Variants in QPCTL observed in about 807,000 individuals in gnomAD.
QPCTL encodes the protein glutaminyl-peptide cyclotransferase like, also known as glutaminyl-peptide cyclotransferase-like protein.
In QPCTL, 31 loss-of-function variants were observed where a neutral mutation model predicts 34.6. That is an observed-to-expected ratio of 0.90 (90% CI 0.67 to 1.21). The LOEUF is 1.21. Ranked by LOEUF, QPCTL falls within the 50% of genes most tolerant of loss-of-function variation. The probability of loss-of-function intolerance (pLI) is 0.00; values close to 1 mark genes in which losing one functional copy is unlikely to be tolerated. For synonymous variants in QPCTL, 223 were observed against 226.9 expected, an observed-to-expected ratio of 0.98 and a Z score of 0.15; for missense variants, 474 against 507.8, an observed-to-expected ratio of 0.93 and a Z score of 0.64.
intron 3 of QPCTL, among the ~76,000 whole-genome samples, chr19:45,696,272 C>G (rs1350754488): frequency 1.3e-5 from 2 of 152,080 alleles, no homozygotes; most frequent in African/African-American, 4.8e-5. Context: ...CTCAGGGCAT[C>G]TGCACTTGCT....
chr19:45,695,690 A>C lies in QPCTL; in HGVS notation c.605A>C (p.Asp202Ala). The C allele has an allele frequency of 1.2e-6, 2 of 1,612,634 alleles. No individual in the cohort carries two copies. Among genetic ancestry groups the C allele is most frequent in the Non-Finnish European group, 1.7e-6 (2 of 1,179,808 alleles). Residue 202 changes from aspartate (D) to alanine (A), a missense_variant, in exon 3 of 7, where the codon GAC (aspartate) becomes GCC (alanine). Transcript: ENST00000012049. ...ALLLELAQAL[D>A]LELSRAKKQA... ...CTGCTGGAGCTGGCCCAAGCACTTG[A>C]CCTGGAGCTGAGCAGGGCCAAAAAA... is the stretch of plus-strand genomic sequence containing the variant.
Position 45,703,091 on chromosome 19 carries a change from G to A in QPCTL, c.*42G>A. The A allele has an allele frequency of 6.2e-7, 1 of 1,611,606 alleles. No individual in the cohort carries two copies. Among genetic ancestry groups the A allele is most frequent in the Non-Finnish European group, 8.5e-7 (1 of 1,177,918 alleles). On this transcript the variant is annotated 3_prime_UTR_variant, in exon 7 of 7. Coordinates refer to ENST00000012049, the MANE Select transcript of QPCTL (RefSeq NM_017659.4). ...CTGTGGAGAGGACTGTGAGAGAGAAGGTCCCAGCGGGGGCCAGTGAAGCTC... is the reference window on the plus strand; with the variant it reads ...CTGTGGAGAGGACTGTGAGAGAGAAAGTCCCAGCGGGGGCCAGTGAAGCTC...
chr19:45,701,891 A>G lies in QPCTL; in HGVS notation c.980A>G (p.Asp327Gly), dbSNP rs1368236436. Residue 327 changes from aspartate (D) to glycine (G), a missense_variant, in exon 6 of 7, where the codon GAC becomes GGC. By Grantham distance (94) the Asp-to-Gly change is moderately conservative. Coordinates refer to ENST00000012049, the MANE Select transcript of QPCTL (RefSeq NM_017659.4). The stretch of plus-strand genomic sequence containing the variant: ...GAGCCCTTTGGCTCTGTGGAAGACG[A>G]CCACATCCCCTTCCTCCGCAGAGGT... ...PGEPFGSVED[D>G]HIPFLRRGVP... 1.2e-6 allele frequency: 2 copies of G among 1,613,102 alleles called. No homozygotes were observed. Among genetic ancestry groups the G allele is most frequent in the Non-Finnish European group, 1.7e-6 (2 of 1,179,276 alleles).
At chr19:45,698,930 C>G (rs755117953) in intron 5 of QPCTL, 30 bp downstream of exon 5, 57 of 1,591,286 alleles carry the variant, frequency 3.6e-5, no homozygotes, top group African/African-American at 5.4e-5. Flanking sequence ...TGGGCCCCAG[C>G]CCACCTGGGG....
chr19:45,695,406 G>T (rs747866993), intron 2 of QPCTL, 31 bp from the exon 3 acceptor site: 1 of 1,066,012 alleles, frequency 9.4e-7, no homozygotes, highest in East Asian at 4.4e-5. Context: ...CCCAGTCCCC[G>T]TCCACCCTCC....
chr19:45,698,919 G>T lies in QPCTL; in HGVS notation c.886+19G>T. 1 of 1,607,336 alleles carries T rather than the reference G, an allele frequency of 6.2e-7. No individual in the cohort carries two copies. The highest frequency in any genetic ancestry group is 8.5e-7 in the Non-Finnish European group (1 of 1,174,068). ...AGCATTGGTAAGGGTGAATGCGGAG[G>T]TGGGCCCCAGCCCACCTGGGGTATG... is the stretch of plus-strand genomic sequence containing the variant. On this transcript the variant is annotated intron_variant, in intron 5 of 6. Transcript: ENST00000012049.
intron 5 of QPCTL, 35 bp downstream of exon 5, chr19:45,698,935 C>T: frequency 6.3e-7 from 1 of 1,583,576 alleles, no homozygotes; most frequent in Non-Finnish European, 8.7e-7. Context: ...CCCAGCCCAC[C>T]TGGGGTATGG....
At position 45,693,369 on chromosome 19, in the gene QPCTL, G is replaced by C. The variant is rs747274565; in HGVS notation, c.208-44G>C. ...GCCCGGGGTAGGGTTGAAATGGGGGGGTTGCTCTCATTCTTCCCTTCCCTA... is the reference window on the plus strand; with the variant it reads ...GCCCGGGGTAGGGTTGAAATGGGGGCGTTGCTCTCATTCTTCCCTTCCCTA... On this transcript the variant is annotated intron_variant, in intron 1 of 6. Transcript: ENST00000012049. 5 of 1,573,044 alleles carry C rather than the reference G, an allele frequency of 3.2e-6. No individual in the cohort carries two copies. The Admixed American group carries it at 5.3e-5, about 17-fold the overall frequency.
Position 45,701,926 on chromosome 19 carries a change from A to G in QPCTL, c.1003+12A>G. On this transcript the variant is annotated intron_variant, in intron 6 of 6. Transcript: ENST00000012049. ...CTTCCTCCGCAGAGGTACCAGCTGC[A>G]GGGAGGGATGGAGGGTGGGTGTCCA... is the stretch of plus-strand genomic sequence containing the variant. 1 of 1,597,360 alleles carries G rather than the reference A, an allele frequency of 6.3e-7. No individual in the cohort carries two copies. Among genetic ancestry groups the G allele is most frequent in the Non-Finnish European group, 8.6e-7 (1 of 1,165,838 alleles).
At chr19:45,698,488 T>G in intron 3 of QPCTL, 59 bp from the exon 4 acceptor site, 3 of 1,598,222 alleles carry the variant, frequency 1.9e-6, no homozygotes, top group South Asian at 2.2e-5. Flanking sequence ...AGTGTGGGTA[T>G]GTTGAGGCTG....
In QPCTL at chr19:45,698,561, C is replaced by G. The variant is rs1967746903; in HGVS notation, c.648C>G (p.Thr216=). Residue 216 remains threonine (T), a synonymous_variant, in exon 4 of 7, where the codon ACC becomes ACG. Transcript: ENST00000012049. The part of the protein sequence containing the change: ...SRAKKQAAPV[T]LQLLFLDGEE... ...TGCTCCCACAGGCAGCCCCGGTGAC[C>G]CTGCAACTGCTCTTCTTGGATGGTG... 1.2e-6 allele frequency: 2 copies of G among 1,613,938 alleles called. No individual in the cohort carries two copies. The highest frequency in any genetic ancestry group is 1.1e-5 in the South Asian group (1 of 91,088).
chr19:45,696,663 T>G (rs1967701743), intron 3 of QPCTL, among the ~76,000 whole-genome samples: 1 of 151,276 alleles, frequency 6.6e-6, no homozygotes, highest in Admixed American at 6.6e-5. Flanking sequence ...GGCTTGAGTC[T>G]AGGAGTTTGA....
At chr19:45,695,385 C>A in intron 2 of QPCTL, 52 bp from the exon 3 acceptor site, 4 of 1,530,604 alleles carry the variant, frequency 2.6e-6, no homozygotes, top group Non-Finnish European at 2.7e-6. Context: ...GGCCCTTCTC[C>A]CCACCTCCTC....
chr19:45,702,628 G>A (rs7254257), intron 6 of QPCTL, among the ~76,000 whole-genome samples: 9,872 of 151,870 alleles, frequency 0.065, 444 homozygotes, highest in African/African-American at 0.12. Context: ...GACAGGTGTC[G>A]TGGTGCCTGC....
At chr19:45,695,806 T>C in intron 3 of QPCTL, 88 bp downstream of exon 3, 1 of 1,409,942 alleles carries the variant, frequency 7.1e-7, no homozygotes. Context: ...TTGTCATCCC[T>C]CTCGTCTTCC....
In QPCTL at chr19:45,698,691, C is replaced by T. The variant is rs751252490; in HGVS notation, c.778C>T (p.Gln260Ter). ...TCACAGCCCCGGCCCCACCAGGATCCAGGCTATTGTAAGACCAGGGTCCCC... is the reference window on the plus strand; with the variant it reads ...TCACAGCCCCGGCCCCACCAGGATCTAGGCTATTGTAAGACCAGGGTCCCC... ...IPHSPGPTRI[Q>*]AIELFMLLDL... The change falls in exon 4 of 7, where the codon CAG (glutamine) becomes TAG (stop). Residue 260 changes from glutamine (Q) to a stop codon, truncating the protein, a stop_gained. Coordinates refer to ENST00000012049, the MANE Select transcript of QPCTL (RefSeq NM_017659.4). LOFTEE classifies it high-confidence loss of function. The T allele has an allele frequency of 1.3e-5, 21 of 1,614,136 alleles. No homozygotes were observed. The South Asian group carries it at 2.1e-4, about 16-fold the overall frequency.
chr19:45,695,639 C>T lies in QPCTL; in HGVS notation c.554C>T (p.Thr185Met), dbSNP rs1467968796. 10 of 1,613,862 alleles carry T rather than the reference C, an allele frequency of 6.2e-6. No homozygotes were observed. The highest frequency in any genetic ancestry group is 3.3e-5 in the Admixed American group (2 of 59,982). ...PPGSTPFVGA[T>M]DSAVPCALLL... ...GGATCGACCCCCTTTGTAGGGGCCA[C>T]GGATTCGGCTGTGCCCTGTGCCCTG... Residue 185 changes from threonine to methionine, a missense_variant, in exon 3 of 7, where the codon ACG (threonine) becomes ATG (methionine). Coordinates refer to ENST00000012049, the MANE Select transcript of QPCTL (RefSeq NM_017659.4).
intron 5 of QPCTL, among the ~76,000 whole-genome samples, chr19:45,699,439 G>A (rs1331776972): frequency 6.6e-6 from 1 of 151,928 alleles, no homozygotes; most frequent in Non-Finnish European, 1.5e-5. Context: ...AGTGAGCCAA[G>A]ATTGCGCCAC....
rs1290358374 is a variant in QPCTL, at chr19:45,695,629, G to C, written c.544G>C (p.Val182Leu). 1 of 1,613,908 alleles carries C rather than the reference G, an allele frequency of 6.2e-7. No individual in the cohort carries two copies. The highest frequency in any genetic ancestry group is 8.5e-7 in the Non-Finnish European group (1 of 1,179,980). ...CTTCCCACCCGGATCGACCCCCTTT[G>C]TAGGGGCCACGGATTCGGCTGTGCC... Reference protein sequence around the residue: ...KLFPPGSTPFVGATDSAVPCA... With the variant: ...KLFPPGSTPFLGATDSAVPCA... The change falls in exon 3 of 7, where the codon GTA becomes CTA. Residue 182 changes from valine to leucine, a missense_variant. Transcript: ENST00000012049.
Sources: allele counts gnomAD v4.1 joint callset (sites outside exome capture counted in the v4.1 genomes callset), GRCh38; gene constraint gnomAD v4.1.1; transcripts MANE v1.5; gene names NCBI Gene and HGNC (gene_info 2026-07-23, HGNC 2026-07-21).